Variants in NCKAP1 observed in about 807,000 individuals in gnomAD.
NCKAP1 encodes nck-associated protein 1.
In NCKAP1, 21 loss-of-function variants were observed where a neutral mutation model predicts 151.2. That is an observed-to-expected ratio of 0.14 (90% confidence interval 0.10 to 0.20). The LOEUF (loss-of-function observed/expected upper bound fraction) is 0.20. Ranked by LOEUF, NCKAP1 falls within the 10% of genes least tolerant of loss-of-function variation. The pLI is 1.00. For synonymous variants in NCKAP1, 484 were observed against 451.8 expected (o/e 1.07, Z -0.90); for missense variants, 933 against 1,352.1 (o/e 0.69, Z 4.86).
intron 18 of NCKAP1, among the ~76,000 whole-genome samples, chr2:182,958,496 GA>G (rs1409271707): frequency 6.6e-6 from 1 of 152,074 alleles, no homozygotes; most frequent in Non-Finnish European, 1.5e-5. Context: ...AGAAAACACT[GA>G]AAAAGGAAAA....
intron 20 of NCKAP1, among the ~76,000 whole-genome samples, chr2:182,955,731 G>T (rs1162398443): frequency 6.6e-6 from 1 of 152,068 alleles, no homozygotes; most frequent in Non-Finnish European, 1.5e-5. Context: ...ATTTCACGAA[G>T]CAATATATAT....
chr2:182,943,382 A>G (rs1697036170), intron 23 of NCKAP1, among the ~76,000 whole-genome samples: 1 of 152,176 alleles, frequency 6.6e-6, no homozygotes, highest in East Asian at 1.9e-4. Flanking sequence ...ATTACTTCAG[A>G]TTGTTTCTTA....
chr2:183,034,430 T>C (rs1699064463), intron 1 of NCKAP1, among the ~76,000 whole-genome samples: 1 of 151,296 alleles, frequency 6.6e-6, no homozygotes, highest in African/African-American at 2.4e-5. Flanking sequence ...AGGCAGAAAT[T>C]TAACAGGAGG....
chr2:182,973,819 CTCAT>C (rs1697748394), intron 15 of NCKAP1, among the ~76,000 whole-genome samples: 1 of 152,142 alleles, frequency 6.6e-6, no homozygotes. Flanking sequence ...TTGCTCTTTA[CTCAT>C]TGTTTGTCCT....
chr2:183,001,619 C>A (rs1192921177), intron 6 of NCKAP1, among the ~76,000 whole-genome samples: 2 of 152,062 alleles, frequency 1.3e-5, no homozygotes, highest in Non-Finnish European at 1.5e-5. Flanking sequence ...AGTAACTCGA[C>A]AAATATTATA....
At chr2:182,967,149 A>T in intron 16 of NCKAP1, 67 bp downstream of exon 16, 2 of 1,445,630 alleles carry the variant, frequency 1.4e-6, no homozygotes, top group Admixed American at 4.2e-5. Flanking sequence ...TAACACAAAA[A>T]TAATCAAGAA....
intron 2 of NCKAP1, among the ~76,000 whole-genome samples, chr2:183,004,176 A>C (rs7607857): frequency 0.18 from 27,002 of 152,076 alleles, 4,817 homozygotes; most frequent in African/African-American, 0.46. Context: ...AGATCTACTG[A>C]ATCTGAATCT....
intron 8 of NCKAP1, among the ~76,000 whole-genome samples, chr2:182,991,207 T>A (rs781695340): frequency 5.9e-5 from 9 of 152,220 alleles, no homozygotes; most frequent in Non-Finnish European, 1.2e-4. Context: ...ATACGTGTTA[T>A]GAGTTAAAGT....
intron 23 of NCKAP1, among the ~76,000 whole-genome samples, chr2:182,942,835 A>T (rs1697025254): frequency 6.6e-6 from 1 of 152,150 alleles, no homozygotes; most frequent in South Asian, 2.1e-4. Context: ...ATTACAAAGT[A>T]ATTTAAAAAT....
intron 15 of NCKAP1, among the ~76,000 whole-genome samples, chr2:182,976,449 T>C (rs980906183): frequency 7.9e-5 from 12 of 152,226 alleles, no homozygotes; most frequent in Non-Finnish European, 1.6e-4. Context: ...GTATTGTCTA[T>C]AGGTGCTCTC....
intron 6 of NCKAP1, among the ~76,000 whole-genome samples, chr2:183,001,084 C>T (rs1041334568): frequency 6.6e-6 from 1 of 152,176 alleles, no homozygotes; most frequent in Non-Finnish European, 1.5e-5. Flanking sequence ...CAGAGCGAGA[C>T]GCTGTCTCAA....
At chr2:182,935,113 G>C (rs955904027) in intron 25 of NCKAP1, among the ~76,000 whole-genome samples, 180 bp downstream of exon 25, 1 of 152,092 alleles carries the variant, frequency 6.6e-6, no homozygotes, top group Non-Finnish European at 1.5e-5. Flanking sequence ...GCAAGCAGCA[G>C]TACCAAAACA....
In NCKAP1 at chr2:183,026,055, C is replaced by T. The variant is rs1698888445; in HGVS notation, c.109-2139G>A. On this transcript the variant is annotated intron_variant, in intron 1 of 30. Transcript: ENST00000361354. ...TATAAACAACTTCGTTGGTTGATAA[C>T]CAAACAAGTATGTGTGTGCGTATGT... 2.6e-5 allele frequency among the ~76,000 whole-genome samples: 4 copies of T among 152,146 alleles called. No individual in the cohort carries two copies. The South Asian group carries it at 8.3e-4, about 32-fold the overall frequency.
intron 2 of NCKAP1, among the ~76,000 whole-genome samples, chr2:183,021,211 T>C (rs1379939095): frequency 2.0e-5 from 3 of 152,186 alleles, no homozygotes; most frequent in African/African-American, 7.2e-5. Context: ...ACATTATTCA[T>C]AATAGGCAAA....
At chr2:183,019,881 T>C (rs1698762928) in intron 2 of NCKAP1, among the ~76,000 whole-genome samples, 2 of 152,132 alleles carry the variant, frequency 1.3e-5, no homozygotes, top group Admixed American at 6.5e-5. Context: ...TTGTTACAAC[T>C]GGTCACAAAC....
Position 182,986,413 on chromosome 2 carries a change from C to T in NCKAP1, c.948-186G>A, listed in dbSNP as rs184980401. 2.1e-4 allele frequency among the ~76,000 whole-genome samples: 32 copies of T among 149,788 alleles called. No individual in the cohort carries two copies. The East Asian group carries it at 6.2e-3, about 29-fold the overall frequency. On this transcript the variant is annotated intron_variant, in intron 9 of 30. Coordinates refer to ENST00000361354, the MANE Select transcript of NCKAP1 (RefSeq NM_013436.5). ...CACTTAGATGTCCAGTCAAGCCTTC[C>T]TAAAAAAAAAAGTAACATTATATTA...
intron 23 of NCKAP1, among the ~76,000 whole-genome samples, chr2:182,944,704 A>T (rs1335569095): frequency 6.6e-6 from 1 of 152,238 alleles, no homozygotes; most frequent in African/African-American, 2.4e-5. Flanking sequence ...CTAAAACAGG[A>T]ACTAAAATAA....
intron 2 of NCKAP1, among the ~76,000 whole-genome samples, chr2:183,008,198 G>C (rs561612957): frequency 1.7e-3 from 264 of 152,198 alleles, no homozygotes; most frequent in Middle Eastern, 3.4e-3. Flanking sequence ...AAAGTGCTGG[G>C]ATAACAGGCA....
intron 15 of NCKAP1, among the ~76,000 whole-genome samples, chr2:182,970,311 C>T (rs992416085): frequency 2.0e-5 from 3 of 152,094 alleles, no homozygotes; most frequent in African/African-American, 4.8e-5. Flanking sequence ...CAAAACTACA[C>T]GAAAAGAAAC....
Sources: gnomAD v4.1 joint callset for allele counts (sites outside exome capture counted in the v4.1 genomes callset) on GRCh38, gnomAD v4.1.1 for gene constraint, MANE v1.5 for transcripts, NCBI Gene and HGNC (gene_info 2026-07-23, HGNC 2026-07-21) for gene names.